ADAM12: variants seen among roughly 807,000 people sequenced by gnomAD.
ADAM12 encodes ADAM metallopeptidase domain 12, also known as disintegrin and metalloproteinase domain-containing protein 12.
In ADAM12, 70 loss-of-function variants were observed where a neutral mutation model predicts 106.4. The observed-to-expected ratio is 0.66, with a 90% CI of 0.54 to 0.80. The LOEUF is 0.80. Ranked by LOEUF, ADAM12 falls within the 30% of genes least tolerant of loss-of-function variation. ADAM12 has a pLI of 0.00. For missense variants in ADAM12, 1,010 were observed against 1,171.9 expected (o/e 0.86, Z 2.02); for synonymous variants, 420 against 433.5 (o/e 0.97, Z 0.39).
At chr10:126,068,694 T>C (rs1000916446) in intron 12 of ADAM12, among the ~76,000 whole-genome samples, 1 of 152,224 alleles carries the variant, frequency 6.6e-6, no homozygotes, top group African/African-American at 2.4e-5. Flanking sequence ...TCTTCTGCAG[T>C]ACCATATTTC....
Position 126,043,216 on chromosome 10 carries a change from A to T in ADAM12, c.1996-68T>A. On this transcript the variant is annotated intron_variant, in intron 17 of 22. Transcript: ENST00000448723. The surrounding 1 kb of genome is among the most constrained non-coding windows in gnomAD (Gnocchi z 4.1). The stretch of plus-strand genomic sequence containing the variant: ...TCTGTGCATCACCACAGCAGAAGCA[A>T]GGGGGGCCATGGTCAGAGCCCCCCC... 1 of 1,448,106 alleles carries T rather than the reference A, an allele frequency of 6.9e-7. No individual in the cohort carries two copies. Among genetic ancestry groups the T allele is most frequent in the East Asian group, 2.4e-5 (1 of 42,482 alleles). The allele number at this position is 1,448,106 out of a possible 1,614,324, so 89.7% of individuals were successfully genotyped here.
In ADAM12 at chr10:126,278,930, T is replaced by A. The variant is rs1213009378; in HGVS notation, c.245A>T (p.Asn82Ile). ...ATTAACTTACTCATTTCTTTCCAGA[T>A]TTATGATCAGTTCTTTGCTTTCCCG... The part of the protein sequence containing the change: ...LQRESKELII[N>I]LERNEGLIAS... The change falls in exon 3 of 23, where the codon AAT becomes ATT. Residue 82 changes from asparagine (N) to isoleucine (I), a missense_variant. Asn to Ile is a moderately radical substitution (Grantham distance 149, BLOSUM62 -3). Transcript: ENST00000448723. 6.2e-7 allele frequency: 1 copy of A among 1,611,380 alleles called. No homozygotes were observed.
intron 3 of ADAM12, among the ~76,000 whole-genome samples, chr10:126,239,099 G>GT (rs1958473546): frequency 6.6e-6 from 1 of 152,164 alleles, no homozygotes; most frequent in South Asian, 2.1e-4. Flanking sequence ...ATGTCAACAA[G>GT]TTTTTTAGCA....
rs143200714 is a variant in ADAM12 at position 126,140,793 on chromosome 10, C to T, written c.340-5133G>A. ...ATAAGTCAAAACACAGATAATTTCG[C>T]AACTCAGCAAGACATGGTTGTCACA... On this transcript the variant is annotated intron_variant, in intron 4 of 22. Coordinates refer to ENST00000448723, the MANE Select transcript of ADAM12 (RefSeq NM_001288973.2). Among the ~76,000 whole-genome samples the T allele has an allele frequency of 2.7e-3, 417 of 152,304 alleles. 3 individuals are homozygous for T. The highest frequency in any genetic ancestry group is 9.4e-3 in the African/African-American group (391 of 41,566).
intron 2 of ADAM12, among the ~76,000 whole-genome samples, chr10:126,308,168 T>G (rs1471420180): frequency 1.3e-5 from 2 of 152,190 alleles, no homozygotes; most frequent in Non-Finnish European, 2.9e-5. Context: ...GCTTTTAATT[T>G]AGGATCTGGA....
intron 11 of ADAM12, among the ~76,000 whole-genome samples, chr10:126,075,588 A>G (rs1955084916): frequency 1.3e-5 from 2 of 152,188 alleles, no homozygotes; most frequent in South Asian, 4.1e-4. Context: ...TGTGTATTGA[A>G]CTTTTAGGGA....
At chr10:126,337,186 G>A (rs961979119) in intron 1 of ADAM12, among the ~76,000 whole-genome samples, 7 of 152,200 alleles carry the variant, frequency 4.6e-5, no homozygotes, top group Admixed American at 3.9e-4. Context: ...GTCAAAGCCC[G>A]AAAGCCTCAA....
intron 11 of ADAM12, among the ~76,000 whole-genome samples, chr10:126,078,647 C>T (rs928553658): frequency 3.0e-4 from 45 of 152,176 alleles, no homozygotes; most frequent in African/African-American, 1.0e-3. Context: ...TTATGGAGTA[C>T]CTGCTTTTAG....
intron 18 of ADAM12, among the ~76,000 whole-genome samples, chr10:126,042,554 C>T (rs991679189): frequency 6.6e-6 from 1 of 152,184 alleles, no homozygotes; most frequent in African/African-American, 2.4e-5. Flanking sequence ...ATGCACCACA[C>T]AGCACCTGCA....
At chr10:126,375,248 G>A (rs766069144) in intron 1 of ADAM12, among the ~76,000 whole-genome samples, 2 of 145,564 alleles carry the variant, frequency 1.4e-5, no homozygotes, top group Non-Finnish European at 1.5e-5. Flanking sequence ...AAGAAGCCAT[G>A]GTTAAAAAAA....
intron 1 of ADAM12, among the ~76,000 whole-genome samples, chr10:126,339,357 C>A (rs188637156): frequency 6.6e-6 from 1 of 152,178 alleles, no homozygotes; most frequent in Non-Finnish European, 1.5e-5. Context: ...AAAACCAACA[C>A]GTTTTCAATC....
intron 3 of ADAM12, among the ~76,000 whole-genome samples, chr10:126,189,588 T>G (rs539958842): frequency 5.3e-5 from 8 of 152,320 alleles, no homozygotes; most frequent in African/African-American, 1.9e-4. Context: ...GCCATGTTTA[T>G]GCCTCAAAAT....
chr10:126,278,970 T>C lies in ADAM12; in HGVS notation c.205A>G (p.Asn69Asp). The change falls in exon 3 of 23, where the codon AAT becomes GAT. Residue 69 changes from asparagine to aspartate, a missense_variant. By Grantham distance (23) the Asn-to-Asp change is conservative (BLOSUM62 1). Coordinates refer to ENST00000448723, the MANE Select transcript of ADAM12 (RefSeq NM_001288973.2). ...TTGCTTTCCCGTTGTAGTCGAATAT[T>C]CAGCACTTCTGGATGATTCTGAAAG... Reference protein sequence around the residue: ...FDSKNHPEVLNIRLQRESKEL... With the variant: ...FDSKNHPEVLDIRLQRESKEL... 1 of 1,613,364 alleles carries C rather than the reference T, an allele frequency of 6.2e-7. No homozygotes were observed. The highest frequency in any genetic ancestry group is 8.5e-7 in the Non-Finnish European group (1 of 1,179,450).
At chr10:126,320,405 C>T (rs140513787) in intron 2 of ADAM12, among the ~76,000 whole-genome samples, 1,923 of 152,252 alleles carry the variant, frequency 0.013, 34 homozygotes, top group African/African-American at 0.044. Flanking sequence ...ATTTTATATA[C>T]GTGGTTGCAG....
chr10:126,147,391 A>G (rs1956648151), intron 4 of ADAM12, among the ~76,000 whole-genome samples: 1 of 152,096 alleles, frequency 6.6e-6, no homozygotes, highest in Non-Finnish European at 1.5e-5. Context: ...CTACGACTTC[A>G]TGCTGGAGCC....
intron 21 of ADAM12, among the ~76,000 whole-genome samples, chr10:126,034,597 T>TA (rs1464697090): frequency 6.6e-6 from 1 of 152,166 alleles, no homozygotes; most frequent in African/African-American, 2.4e-5. Context: ...ATGAATGTTC[T>TA]AAACACACCT....
chr10:126,045,590 T>C (rs1954295999), intron 17 of ADAM12, among the ~76,000 whole-genome samples: 1 of 152,258 alleles, frequency 6.6e-6, no homozygotes, highest in South Asian at 2.1e-4. Flanking sequence ...AAAGGTTCTC[T>C]GAACTAAAAT....
At chr10:126,186,918 T>C (rs1238715797) in intron 3 of ADAM12, among the ~76,000 whole-genome samples, 1 of 152,186 alleles carries the variant, frequency 6.6e-6, no homozygotes, top group African/African-American at 2.4e-5. Context: ...ACCATCTTTG[T>C]TTTATAGATG....
chr10:126,165,795 G>A (rs538708435), intron 3 of ADAM12, among the ~76,000 whole-genome samples: 120 of 152,266 alleles, frequency 7.9e-4, no homozygotes, highest in African/African-American at 2.7e-3. Context: ...ACGGTGCTAC[G>A]CTATTTCTCT....
Sources: allele counts gnomAD v4.1 joint callset (sites outside exome capture counted in the v4.1 genomes callset), GRCh38; gene constraint gnomAD v4.1.1; non-coding constraint Gnocchi (gnomAD v3.1); transcripts MANE v1.5; gene names NCBI Gene and HGNC (gene_info 2026-07-23, HGNC 2026-07-21).